The following MTCL2 variants were observed in gnomAD, a reference collection of about 807,000 sequenced individuals.
The protein encoded by MTCL2 is microtubule cross-linking factor 2.
chr20:36,777,668 A>C, the MTCL2 span: 24 of 485,646 alleles, frequency 4.9e-5, no homozygotes, highest in Admixed American at 7.4e-4. Flanking sequence ...AGTTGGCCCA[A>C]GGATGCCCTT....
At chr20:36,812,561 G>A in the MTCL2 span, 2 of 1,056,452 alleles carry the variant, frequency 1.9e-6, no homozygotes, top group East Asian at 2.7e-5. Flanking sequence ...TTCTGGCCTT[G>A]GCTGCCAAGA....
chr20:36,859,861 C>T, the MTCL2 span: 1 of 1,231,638 alleles, frequency 8.1e-7, no homozygotes, highest in Admixed American at 4.2e-5. Flanking sequence ...TCCAGAAAGG[C>T]AGAAAACACA....
chr20:36,861,905 T>C, the MTCL2 span, among the ~76,000 whole-genome samples: 1 of 152,216 alleles, frequency 6.6e-6, no homozygotes, highest in South Asian at 2.1e-4. Context: ...GGAAGTCCTG[T>C]TCCAGGTGGG....
At chr20:36,802,962 C>T in the MTCL2 span, 2 of 1,584,360 alleles carry the variant, frequency 1.3e-6, no homozygotes, top group Non-Finnish European at 1.7e-6. Flanking sequence ...GTTGCGCTCA[C>T]TGATCTGCAG....
the MTCL2 span, among the ~76,000 whole-genome samples, chr20:36,861,625 T>A: frequency 6.6e-6 from 1 of 152,220 alleles, no homozygotes; most frequent in African/African-American, 2.4e-5. Context: ...CTCTGGGTGT[T>A]GTGCCAGGCC....
the MTCL2 span, among the ~76,000 whole-genome samples, chr20:36,854,883 T>C: frequency 7.2e-5 from 11 of 151,838 alleles, no homozygotes; most frequent in Non-Finnish European, 1.5e-4. Context: ...CTGGAGGCAC[T>C]AGCCTGGGCC....
the MTCL2 span, among the ~76,000 whole-genome samples, chr20:36,805,650 A>G: frequency 6.6e-6 from 1 of 152,148 alleles, no homozygotes; most frequent in Admixed American, 6.5e-5. Context: ...ATTGTCCCCT[A>G]TACTGCAAAG....
At chr20:36,848,767 T>G in the MTCL2 span, among the ~76,000 whole-genome samples, 1 of 152,130 alleles carries the variant, frequency 6.6e-6, no homozygotes, top group African/African-American at 2.4e-5. Flanking sequence ...AATCACATCT[T>G]CCTTTTCACT....
chr20:36,797,975 T>C, the MTCL2 span, among the ~76,000 whole-genome samples: 2 of 152,198 alleles, frequency 1.3e-5, no homozygotes, highest in Non-Finnish European at 2.9e-5. Context: ...TTTTTCCTGC[T>C]GGGCCTTGAG....
At chr20:36,797,607 G>A in the MTCL2 span, 5 of 1,546,526 alleles carry the variant, frequency 3.2e-6, no homozygotes, top group Non-Finnish European at 3.5e-6. Context: ...GTCGGTAATG[G>A]GCAAAGCTGG....
chr20:36,856,146 C>T, the MTCL2 span, among the ~76,000 whole-genome samples: 2 of 152,212 alleles, frequency 1.3e-5, no homozygotes, highest in East Asian at 1.9e-4. Flanking sequence ...GCCTGTGGTC[C>T]ACCTCCAGGC....
chr20:36,833,513 G>A, the MTCL2 span, among the ~76,000 whole-genome samples: 1 of 152,256 alleles, frequency 6.6e-6, no homozygotes, highest in Non-Finnish European at 1.5e-5. Context: ...CTGGGCCTCT[G>A]TCATCCTGAT....
At chr20:36,829,930 C>T in the MTCL2 span, among the ~76,000 whole-genome samples, 1 of 152,050 alleles carries the variant, frequency 6.6e-6, no homozygotes, top group Non-Finnish European at 1.5e-5. Context: ...ACCAGGGAGG[C>T]AGAGGCTGCG....
At chr20:36,830,053 T>C in the MTCL2 span, among the ~76,000 whole-genome samples, 1 of 152,054 alleles carries the variant, frequency 6.6e-6, no homozygotes, top group Non-Finnish European at 1.5e-5. Context: ...AGGAGAGTCT[T>C]GAACTTGTGG....
At chr20:36,820,894 G>C in the MTCL2 span, among the ~76,000 whole-genome samples, 1 of 152,088 alleles carries the variant, frequency 6.6e-6, no homozygotes, top group East Asian at 1.9e-4. Context: ...TATGAGACTA[G>C]AGAAAGACCT....
chr20:36,797,571 C>T, the MTCL2 span: 1 of 1,556,358 alleles, frequency 6.4e-7, no homozygotes. Context: ...CAGCCTTCTG[C>T]AGCTGGGCAA....
At chr20:36,783,858 TA>T in the MTCL2 span, 3 of 985,236 alleles carry the variant, frequency 3.0e-6, no homozygotes, top group Non-Finnish European at 3.6e-6. Context: ...AGTAAAATGC[TA>T]AAAACCGAAC....
chr20:36,816,925 G>A, the MTCL2 span, among the ~76,000 whole-genome samples: 203 of 152,232 alleles, frequency 1.3e-3, no homozygotes, highest in Non-Finnish European at 2.4e-3. Context: ...AAGAACCATG[G>A]GCTCAGGATG....
At chr20:36,808,867 A>T in the MTCL2 span, 4 of 777,550 alleles carry the variant, frequency 5.1e-6, no homozygotes, top group Non-Finnish European at 8.1e-6. Flanking sequence ...CCTGCCGGGG[A>T]TCCCACCACA....
Sources: allele counts gnomAD v4.1 joint callset (sites outside exome capture counted in the v4.1 genomes callset), GRCh38; gene constraint gnomAD v4.1.1; transcripts MANE v1.5; gene names NCBI Gene and HGNC (gene_info 2026-07-23, HGNC 2026-07-21).